The following TNRC6B variants were observed in gnomAD, a reference collection of about 807,000 sequenced individuals.
TNRC6B encodes trinucleotide repeat containing adaptor 6B, also known as trinucleotide repeat-containing gene 6B protein.
In TNRC6B, 52 loss-of-function variants were observed where a neutral mutation model predicts 203.6. The observed-to-expected ratio is 0.26, with a 90% CI of 0.20 to 0.32. TNRC6B has a LOEUF of 0.32. TNRC6B is among the 10% of genes least tolerant of loss of function. The pLI is 1.00. For missense variants in TNRC6B, 1,923 were observed against 2,286.2 expected (o/e 0.84, Z 3.24); for synonymous variants, 838 against 845.7 (o/e 0.99, Z 0.16).
chr22:40,222,452 A>G (rs1296717669), intron 1 of TNRC6B, among the ~76,000 whole-genome samples: 2 of 152,132 alleles, frequency 1.3e-5, no homozygotes, highest in African/African-American at 4.8e-5. Flanking sequence ...TGTGTGAGGA[A>G]ATGGGGAGTT....
At chr22:40,279,903 C>A in intron 9 of TNRC6B, 92 bp from the exon 10 acceptor site, 2 of 1,081,870 alleles carry the variant, frequency 1.8e-6, no homozygotes, top group Admixed American at 1.9e-5. Context: ...TTATACCCAG[C>A]ACCCCCATGA....
intron 3 of TNRC6B, among the ~76,000 whole-genome samples, chr22:40,126,580 A>ATTTTTTTTTT (rs955369459): frequency 2.3e-5 from 2 of 88,774 alleles, no homozygotes; most frequent in African/African-American, 4.9e-5. Context: ...ACGTTATTTA[A>ATTTTTTTTTT]TTTTTTTTTT....
At chr22:40,202,465 TATAA>T (rs1207203518) in intron 1 of TNRC6B, among the ~76,000 whole-genome samples, 1 of 152,110 alleles carries the variant, frequency 6.6e-6, no homozygotes, top group Non-Finnish European at 1.5e-5. Flanking sequence ...TGTAACTATA[TATAA>T]ACGCATGTAG....
chr22:40,094,490 GTT>G (rs1209844795), intron 1 of TNRC6B, among the ~76,000 whole-genome samples: 1 of 152,170 alleles, frequency 6.6e-6, no homozygotes, highest in East Asian at 1.9e-4. Context: ...AACAAAAACA[GTT>G]TGAAGAAGAA....
Position 40,158,340 on chromosome 22 carries a change from CAATAAATAAATAAATAAATA to C in TNRC6B, c.113+2189_113+2208del, listed in dbSNP as rs144615900. Among the ~76,000 whole-genome samples, 552 of 139,182 alleles carry C rather than the reference CAATAAATAAATAAATAAATA, an allele frequency of 4.0e-3. 9 individuals are homozygous for C. The highest frequency in any genetic ancestry group is 8.6e-3 in the Admixed American group (118 of 13,776). 91.3% of individuals were successfully genotyped at this position (139,182 alleles called of 152,430 possible). Reference sequence around the variant, plus strand: ...GGCAACAAGAGCGAAACTCCATCTTCAATAAATAAATAAATAAATAAATAAATAAATAAATAAATAAATAA... The same window carrying C: ...GGCAACAAGAGCGAAACTCCATCTTCAATAAATAAATAAATAAATAAATAA... On this transcript the variant is annotated intron_variant, in intron 4 of 23. Coordinates refer to the TNRC6B transcript ENST00000301923.
Position 40,326,587 on chromosome 22 carries a change from A to T in TNRC6B, c.*3346A>T, listed in dbSNP as rs1488134471. 3 of 152,526 alleles carry T rather than the reference A, an allele frequency of 2.0e-5. No individual in the cohort carries two copies. Among genetic ancestry groups the T allele is most frequent in the Non-Finnish European group, 4.4e-5 (3 of 68,012 alleles). The allele number at this position is 152,526 out of a possible 1,614,324, so 9.4% of individuals were successfully genotyped here. ...TTGAGACTGAACTGAAATCTCCCCT[A>T]GTAATTTTTATTTTTTTAAAGGAAC... is the stretch of plus-strand genomic sequence containing the variant. On this transcript the variant is annotated 3_prime_UTR_variant, in exon 23 of 23. Transcript: ENST00000454349.
chr22:40,091,247 C>T (rs930694862), intron 1 of TNRC6B, among the ~76,000 whole-genome samples: 58 of 151,902 alleles, frequency 3.8e-4, no homozygotes, highest in African/African-American at 1.4e-3. Context: ...CCTCCCAAAG[C>T]ATGATGATAT....
Position 40,312,895 on chromosome 22 carries a change from A to G in TNRC6B, c.4583-7A>G. The G allele has an allele frequency of 6.2e-7, 1 of 1,612,378 alleles. No individual in the cohort carries two copies. The highest frequency in any genetic ancestry group is 8.5e-7 in the Non-Finnish European group (1 of 1,178,954). On this transcript the variant is annotated splice_region_variant and splice_polypyrimidine_tract_variant and intron_variant, in intron 18 of 22. Transcript: ENST00000454349. Reference sequence around the variant, plus strand: ...CAGTATTTTCTTCTTGTTCTTTGTTACCCAAGGGTCTAATTCTTCCCTCAA... The same window carrying G: ...CAGTATTTTCTTCTTGTTCTTTGTTGCCCAAGGGTCTAATTCTTCCCTCAA...
chr22:40,333,639 T>C lies in TNRC6B; in HGVS notation c.*10398T>C, dbSNP rs1049194892. The C allele has an allele frequency of 2.0e-5, 3 of 152,630 alleles. No homozygotes were observed. The highest frequency in any genetic ancestry group is 4.4e-5 in the Non-Finnish European group (3 of 68,034). The allele number at this position is 152,630 out of a possible 1,614,324, so 9.5% of individuals were successfully genotyped here. The stretch of plus-strand genomic sequence containing the variant: ...TAGAATCCATAGCCTTGTCACTTTG[T>C]TATGCTCTGGAAATGTACTGATTTC... On this transcript the variant is annotated 3_prime_UTR_variant, in exon 23 of 23. Transcript: ENST00000454349.
chr22:40,061,640 C>CTAAG (rs199909323), intron 1 of TNRC6B, among the ~76,000 whole-genome samples: 6,697 of 151,984 alleles, frequency 0.044, 441 homozygotes, highest in African/African-American at 0.14. Context: ...TTCCTTTTCC[C>CTAAG]TATTTTTAAA....
rs1462975048 is a variant in TNRC6B at position 40,333,926 on chromosome 22, A to G, written c.*10685A>G. On this transcript the variant is annotated 3_prime_UTR_variant, in exon 23 of 23. Transcript: ENST00000454349. ...CCCCCATCTTTAAGATAAACCCTTTACTAGTCAAGAAGCCCTTTTCAGTTG... is the reference window on the plus strand; with the variant it reads ...CCCCCATCTTTAAGATAAACCCTTTGCTAGTCAAGAAGCCCTTTTCAGTTG... 1 of 152,566 alleles carries G rather than the reference A, an allele frequency of 6.6e-6. No individual in the cohort carries two copies. Among genetic ancestry groups the G allele is most frequent in the Admixed American group, 6.5e-5 (1 of 15,288 alleles). 9.5% of individuals were successfully genotyped at this position (152,566 alleles called of 1,614,324 possible). A position where few individuals can be genotyped will look rare whatever the true frequency, so the allele number is the denominator to read the frequency against.
intron 1 of TNRC6B, among the ~76,000 whole-genome samples, chr22:40,088,159 G>A (rs560384968): frequency 7.2e-5 from 11 of 152,114 alleles, no homozygotes; most frequent in African/African-American, 2.4e-4. Flanking sequence ...TTCCTATCTC[G>A]TCTCATCCTC....
At chr22:40,188,891 C>T (rs896453830) in intron 1 of TNRC6B, among the ~76,000 whole-genome samples, 2 of 152,114 alleles carry the variant, frequency 1.3e-5, no homozygotes, top group East Asian at 3.8e-4. Flanking sequence ...TGGTACAGAA[C>T]AAATCCCTAA....
Position 40,172,304 on chromosome 22 carries a change from G to T in TNRC6B, c.113+16122G>T, listed in dbSNP as rs1228541090. On this transcript the variant is annotated intron_variant, in intron 4 of 23. Coordinates refer to the TNRC6B transcript ENST00000301923. ...TGTCAAACTGCTTATTCCCTTCTCA[G>T]TGAGTTCCTTCTCCTATGAGGATGT... Among the ~76,000 whole-genome samples, 61 of 152,196 alleles carry T rather than the reference G, an allele frequency of 4.0e-4. 1 individual carries two copies. The highest frequency in any genetic ancestry group is 8.8e-5 in the Non-Finnish European group (6 of 68,032).
intron 1 of TNRC6B, among the ~76,000 whole-genome samples, chr22:40,240,869 C>A (rs535447006): frequency 1.3e-5 from 2 of 152,324 alleles, no homozygotes; most frequent in Admixed American, 1.3e-4. Flanking sequence ...GTTGCCCACA[C>A]TGGAGTGCAG....
Position 40,265,691 on chromosome 22 carries a change from C to T in TNRC6B, c.1461C>T (p.Gly487=). 6.2e-7 allele frequency: 1 copy of T among 1,613,882 alleles called. No individual in the cohort carries two copies. Among genetic ancestry groups the T allele is most frequent in the Non-Finnish European group, 8.5e-7 (1 of 1,179,846 alleles). The change falls in exon 5 of 23, where the codon GGC becomes GGT. Residue 487 remains glycine (G), a synonymous_variant. Coordinates refer to ENST00000454349, the MANE Select transcript of TNRC6B (RefSeq NM_001162501.2). The part of the protein sequence containing the change: ...NRSTGGSWNF[G]PQDSNDNKWG... ...CTACGGGTGGGTCCTGGAACTTTGG[C>T]CCCCAGGACTCTAATGACAACAAAT...
intron 1 of TNRC6B, among the ~76,000 whole-genome samples, chr22:40,221,551 C>T (rs895853629): frequency 1.3e-5 from 2 of 152,156 alleles, no homozygotes; most frequent in African/African-American, 4.8e-5. Flanking sequence ...GTGGTCCTCC[C>T]ACCTCAGCTT....
At position 40,331,431 on chromosome 22, in the gene TNRC6B, T is replaced by C. The variant is rs2071464553; in HGVS notation, c.*8190T>C. On this transcript the variant is annotated 3_prime_UTR_variant, in exon 23 of 23. Coordinates refer to ENST00000454349, the MANE Select transcript of TNRC6B (RefSeq NM_001162501.2). ...CCCACTCCTATCTTCTAAAGAAATA[T>C]CAAGCAAATGCTAAGGGCCATTTCC... The C allele has an allele frequency of 3.0e-6, 1 of 332,400 alleles. No individual in the cohort carries two copies. The highest frequency in any genetic ancestry group is 2.1e-5 in the African/African-American group (1 of 47,434). 20.6% of individuals were successfully genotyped at this position (332,400 alleles called of 1,614,324 possible). A position where few individuals can be genotyped will look rare whatever the true frequency, so the allele number is the denominator to read the frequency against.
intron 1 of TNRC6B, among the ~76,000 whole-genome samples, chr22:40,061,717 A>G (rs1569247054): frequency 6.6e-6 from 1 of 152,010 alleles, no homozygotes; most frequent in Non-Finnish European, 1.5e-5. Flanking sequence ...GTGATTTATA[A>G]CATGCATCTT....
Sources: allele counts gnomAD v4.1 joint callset (sites outside exome capture counted in the v4.1 genomes callset), GRCh38; gene constraint gnomAD v4.1.1; transcripts MANE v1.5; gene names NCBI Gene and HGNC (gene_info 2026-07-23, HGNC 2026-07-21).